Variants in ATRNL1 observed in about 807,000 individuals in gnomAD.
ATRNL1 encodes attractin like 1.
ATRNL1 carries 95 observed loss-of-function variants against 182.7 expected under a neutral mutation model. That is an observed-to-expected ratio of 0.52 (90% CI 0.44 to 0.62). The LOEUF (loss-of-function observed/expected upper bound fraction) is 0.62, where lower values mean the gene tolerates loss of function less well. ATRNL1 is among the 20% of genes least tolerant of loss of function. The pLI, the probability that ATRNL1 is intolerant of heterozygous loss-of-function variation, is 0.00. For synonymous variants in ATRNL1, 576 were observed against 568.3 expected, an observed-to-expected ratio of 1.01 and a Z score of -0.19; for missense variants, 1,471 against 1,679.5, an observed-to-expected ratio of 0.88 and a Z score of 2.17.
At chr10:115,620,266 A>C (rs1857658264) in intron 26 of ATRNL1, among the ~76,000 whole-genome samples, 1 of 152,110 alleles carries the variant, frequency 6.6e-6, no homozygotes, top group African/African-American at 2.4e-5. Flanking sequence ...ATCTCATGGT[A>C]ACTCATTACC....
At chr10:115,604,601 C>T (rs577602959) in intron 26 of ATRNL1, among the ~76,000 whole-genome samples, 1 of 152,256 alleles carries the variant, frequency 6.6e-6, no homozygotes, top group East Asian at 1.9e-4. Flanking sequence ...TACAACTCAG[C>T]CTCTCCACAC....
Position 115,847,925 on chromosome 10 carries a change from G to GC in ATRNL1, c.3953dup (p.Val1319CysfsTer40). 1.2e-6 allele frequency: 2 copies of GC among 1,612,870 alleles called. No individual in the cohort carries two copies. Among genetic ancestry groups the GC allele is most frequent in the Non-Finnish European group, 1.7e-6 (2 of 1,179,120 alleles). On this transcript the variant is annotated frameshift_variant, in exon 28 of 29. Transcript: ENST00000355044. LOFTEE classifies it high-confidence loss of function. ...TGAACCATGTGCTGGGAACAGAGCT[G>GC]CTGTTCTGACTGTGTTTCTTTGTCT... is the stretch of plus-strand genomic sequence containing the variant.
At chr10:115,740,620 C>T (rs782255429) in intron 27 of ATRNL1, among the ~76,000 whole-genome samples, 1 of 152,180 alleles carries the variant, frequency 6.6e-6, no homozygotes, top group Non-Finnish European at 1.5e-5. Flanking sequence ...ATTCTTCTGC[C>T]TCCGCCTCTT....
intron 5 of ATRNL1, among the ~76,000 whole-genome samples, chr10:115,150,339 T>C (rs2143896155): frequency 6.6e-6 from 1 of 152,112 alleles, no homozygotes; most frequent in East Asian, 1.9e-4. Context: ...TTCATTTAGT[T>C]CTGCTTTTAT....
intron 26 of ATRNL1, among the ~76,000 whole-genome samples, chr10:115,583,012 C>T (rs1855234058): frequency 6.9e-6 from 1 of 144,630 alleles, no homozygotes; most frequent in African/African-American, 2.5e-5. Flanking sequence ...AATCCTTTCC[C>T]CATTGCTCGT....
chr10:115,820,772 T>G (rs1950275724), intron 27 of ATRNL1, among the ~76,000 whole-genome samples: 2 of 152,112 alleles, frequency 1.3e-5, no homozygotes, highest in South Asian at 4.1e-4. Context: ...ACTTTGTCAC[T>G]TCTGTCTCAC....
intron 10 of ATRNL1, among the ~76,000 whole-genome samples, chr10:115,250,186 C>G (rs141523362): frequency 1.2e-3 from 181 of 152,248 alleles, no homozygotes; most frequent in African/African-American, 4.2e-3. Context: ...GGTACCACTT[C>G]CATTTTATAT....
intron 28 of ATRNL1, among the ~76,000 whole-genome samples, chr10:115,868,331 C>T (rs1555105211): frequency 6.6e-6 from 1 of 152,112 alleles, no homozygotes; most frequent in African/African-American, 2.4e-5. Flanking sequence ...GTACTCACTT[C>T]TGTATTAAAA....
At chr10:115,154,904 C>A (rs1554881698) in intron 5 of ATRNL1, among the ~76,000 whole-genome samples, 1 of 152,042 alleles carries the variant, frequency 6.6e-6, no homozygotes, top group Non-Finnish European at 1.5e-5. Context: ...AAAGATTGGC[C>A]CAGGGCCAAT....
At chr10:115,610,399 TA>T (rs1354788192) in intron 26 of ATRNL1, among the ~76,000 whole-genome samples, 1 of 152,236 alleles carries the variant, frequency 6.6e-6, no homozygotes, top group Non-Finnish European at 1.5e-5. Context: ...AAAAAAGCTT[TA>T]TTTTTTCTCT....
At chr10:115,897,146 T>C (rs1335173246) in intron 28 of ATRNL1, among the ~76,000 whole-genome samples, 1 of 151,986 alleles carries the variant, frequency 6.6e-6, no homozygotes, top group Non-Finnish European at 1.5e-5. Context: ...CATACATACA[T>C]CCCAAAGAAA....
intron 26 of ATRNL1, among the ~76,000 whole-genome samples, chr10:115,630,006 A>G (rs1555025814): frequency 6.6e-6 from 1 of 152,126 alleles, no homozygotes; most frequent in Non-Finnish European, 1.5e-5. Flanking sequence ...TGTTTCCTGT[A>G]CTGTGCAAAA....
intron 26 of ATRNL1, among the ~76,000 whole-genome samples, chr10:115,633,707 A>T (rs934575233): frequency 1.3e-5 from 2 of 152,290 alleles, no homozygotes; most frequent in Non-Finnish European, 2.9e-5. Context: ...TAAGAGTTAC[A>T]GATACTGAAA....
intron 27 of ATRNL1, among the ~76,000 whole-genome samples, chr10:115,735,592 G>T (rs1450675771): frequency 2.6e-5 from 4 of 152,106 alleles, no homozygotes; most frequent in African/African-American, 9.7e-5. Context: ...TAACTTGCCA[G>T]CATCACTACT....
intron 13 of ATRNL1, among the ~76,000 whole-genome samples, chr10:115,273,333 G>T (rs1851956569): frequency 6.6e-6 from 1 of 152,124 alleles, no homozygotes; most frequent in Admixed American, 6.5e-5. Context: ...ATACTCTTTT[G>T]CTGATGTCAC....
At position 115,870,948 on chromosome 10, in the gene ATRNL1, A is replaced by G. The variant is rs570134248; in HGVS notation, c.4018+22957A>G. On this transcript the variant is annotated intron_variant, in intron 28 of 28. Coordinates refer to ENST00000355044, the MANE Select transcript of ATRNL1 (RefSeq NM_207303.4). ...ATATCAGGCCCATAGTAAATGCTATATACAAATTTCCTACTATTATTATTT... is the reference window on the plus strand; with the variant it reads ...ATATCAGGCCCATAGTAAATGCTATGTACAAATTTCCTACTATTATTATTT... Among the ~76,000 whole-genome samples the G allele has an allele frequency of 1.6e-3, 247 of 152,344 alleles. 10 individuals are homozygous for G. The South Asian group carries it at 0.049, about 30-fold the overall frequency.
chr10:115,430,261 A>AT, intron 21 of ATRNL1, among the ~76,000 whole-genome samples: 1 of 151,660 alleles, frequency 6.6e-6, no homozygotes, highest in Non-Finnish European at 1.5e-5. Flanking sequence ...TTATTTTTTT[A>AT]TTTTTTGCTA....
In ATRNL1 at chr10:115,831,865, A is replaced by C. The variant is rs1555093856; in HGVS notation, c.3904-16012A>C. On this transcript the variant is annotated intron_variant, in intron 27 of 28. Coordinates refer to ENST00000355044, the MANE Select transcript of ATRNL1 (RefSeq NM_207303.4). ...TGTTATAACTGAAAGAGATACTTTA[A>C]AATTGCTATAGCTACCTGCTATTAA... Among the ~76,000 whole-genome samples the C allele has an allele frequency of 3.3e-5, 5 of 152,202 alleles. No homozygotes were observed. The East Asian group carries it at 7.7e-4, about 24-fold the overall frequency.
intron 26 of ATRNL1, among the ~76,000 whole-genome samples, chr10:115,635,835 G>T (rs919598615): frequency 7.2e-5 from 11 of 152,114 alleles, no homozygotes. Flanking sequence ...ACCACTACAT[G>T]TAAGTATAAC....
Sources: gnomAD v4.1 joint callset for allele counts (sites outside exome capture counted in the v4.1 genomes callset) on GRCh38, gnomAD v4.1.1 for gene constraint, MANE v1.5 for transcripts, NCBI Gene and HGNC (gene_info 2026-07-23, HGNC 2026-07-21) for gene names.